Variants in RGS7 observed in about 807,000 individuals in gnomAD.
RGS7 encodes the protein regulator of G-protein signaling 7.
A neutral mutation model predicts 81.1 loss-of-function variants in RGS7; 27 were observed. The observed-to-expected ratio is 0.33, with a 90% CI of 0.25 to 0.46. The LOEUF (loss-of-function observed/expected upper bound fraction) is 0.46. RGS7 is among the 20% of genes least tolerant of loss of function. The pLI, the probability that RGS7 is intolerant of heterozygous loss-of-function variation, is 1.00. For synonymous variants in RGS7, 208 were observed against 207.7 expected, an observed-to-expected ratio of 1.00 and a Z score of -0.01; for missense variants, 396 against 607.4, an observed-to-expected ratio of 0.65 and a Z score of 3.66.
chr1:240,834,372 C>T (rs758535741), intron 9 of RGS7, among the ~76,000 whole-genome samples: 8 of 152,200 alleles, frequency 5.3e-5, no homozygotes, highest in Non-Finnish European at 1.0e-4. Flanking sequence ...GAACTCCACA[C>T]ATCCAAGAGG....
chr1:240,848,396 G>T (rs1488604477), intron 9 of RGS7, among the ~76,000 whole-genome samples: 1 of 152,026 alleles, frequency 6.6e-6, no homozygotes, highest in Non-Finnish European at 1.5e-5. Flanking sequence ...TTACTGTTGA[G>T]TCTGATAAAT....
At chr1:240,884,832 A>C (rs1303165415) in intron 6 of RGS7, among the ~76,000 whole-genome samples, 1 of 152,250 alleles carries the variant, frequency 6.6e-6, no homozygotes, top group Non-Finnish European at 1.5e-5. Flanking sequence ...ACCATCCTGG[A>C]CACAGGAACG....
rs1558259636 is a variant in RGS7 at position 240,793,613 on chromosome 1, T to TATATATATATATA, written c.*6+7027_*6+7028insTATATATATATAT. Among the ~76,000 whole-genome samples, 7 of 88,358 alleles carry TATATATATATATA rather than the reference T, an allele frequency of 7.9e-5. No individual in the cohort carries two copies. The East Asian group carries it at 1.1e-3, about 14-fold the overall frequency. The allele number at this position is 88,358 out of a possible 152,430, so 58.0% of individuals were successfully genotyped here. A position where few individuals can be genotyped will look rare whatever the true frequency, so the allele number is the denominator to read the frequency against. ...TATATATATATATATATATATATATTTTTTTTTTTTTTTTGAGACAGAGTC... is the reference window on the plus strand; with the variant it reads ...TATATATATATATATATATATATATTATATATATATATATTTTTTTTTTTTTTGAGACAGAGTC... On this transcript the variant is annotated intron_variant, in intron 18 of 18. Coordinates refer to ENST00000440928, the MANE Select transcript of RGS7 (RefSeq NM_001364886.1).
intron 4 of RGS7, among the ~76,000 whole-genome samples, chr1:240,947,858 C>G (rs1458510870): frequency 6.6e-6 from 1 of 152,236 alleles, no homozygotes; most frequent in African/African-American, 2.4e-5. Context: ...AGTTACTTCT[C>G]TGTCTTCCTT....
chr1:241,197,975 A>T (rs2073209161), intron 2 of RGS7, among the ~76,000 whole-genome samples: 1 of 151,908 alleles, frequency 6.6e-6, no homozygotes, highest in Non-Finnish European at 1.5e-5. Context: ...CTACCTACCT[A>T]CCTACCTACC....
chr1:240,831,183 C>T (rs555247249), intron 9 of RGS7, among the ~76,000 whole-genome samples: 2 of 152,022 alleles, frequency 1.3e-5, no homozygotes, highest in Admixed American at 6.6e-5. Context: ...ATGCTTGTCT[C>T]GGAGGCCCTG....
chr1:240,912,150 C>CAAAAAA (rs374318547), intron 6 of RGS7, among the ~76,000 whole-genome samples: 13 of 55,804 alleles, frequency 2.3e-4, no homozygotes, highest in Admixed American at 6.9e-4. Context: ...GATTCTGTCT[C>CAAAAAA]AAAAAAAAAA....
chr1:241,218,373 G>A (rs1310087923), intron 2 of RGS7, among the ~76,000 whole-genome samples: 1 of 152,210 alleles, frequency 6.6e-6, no homozygotes. Flanking sequence ...CATCCATTGG[G>A]AAGGTGAGTG....
rs60947546 is a variant in RGS7, at chr1:241,005,547, A to T, written c.176-22418T>A. Among the ~76,000 whole-genome samples, 1,218 of 151,982 alleles carry T rather than the reference A, an allele frequency of 8.0e-3. 12 individuals are homozygous for T. The highest frequency in any genetic ancestry group is 0.028 in the African/African-American group (1,141 of 41,448). On this transcript the variant is annotated intron_variant, in intron 3 of 18. Coordinates refer to ENST00000440928, the MANE Select transcript of RGS7 (RefSeq NM_001364886.1). ...TCTGGCTTCTTTTTATTTACTTTTTATTTTTTGAAATGGAGTCTCACACTG... is the reference window on the plus strand; with the variant it reads ...TCTGGCTTCTTTTTATTTACTTTTTTTTTTTTGAAATGGAGTCTCACACTG...
chr1:240,821,040 A>G (rs973811794), intron 10 of RGS7, among the ~76,000 whole-genome samples: 1 of 152,164 alleles, frequency 6.6e-6, no homozygotes, highest in Non-Finnish European at 1.5e-5. Flanking sequence ...AAGTCAGTAC[A>G]CAGAAAGAAG....
At chr1:241,306,280 C>T (rs1435298997) in intron 2 of RGS7, among the ~76,000 whole-genome samples, 2 of 151,306 alleles carry the variant, frequency 1.3e-5, no homozygotes, top group East Asian at 3.9e-4. Flanking sequence ...TACACACACA[C>T]CCTTACACAC....
At chr1:240,793,611 A>ATATATATATATTTTTTTTTTT in intron 18 of RGS7, among the ~76,000 whole-genome samples, 2 of 78,812 alleles carry the variant, frequency 2.5e-5, no homozygotes, top group African/African-American at 1.9e-4. Flanking sequence ...ATATATATAT[A>ATATATATATATTTTTTTTTTT]TTTTTTTTTT....
At chr1:241,312,435 C>T (rs2080598304) in intron 2 of RGS7, among the ~76,000 whole-genome samples, 1 of 152,192 alleles carries the variant, frequency 6.6e-6, no homozygotes, top group African/African-American at 2.4e-5. Context: ...ACAACAGGTG[C>T]TCACTCTGTG....
chr1:241,109,244 T>C (rs1341905042), intron 2 of RGS7, among the ~76,000 whole-genome samples: 3 of 152,156 alleles, frequency 2.0e-5, no homozygotes, highest in Non-Finnish European at 4.4e-5. Flanking sequence ...CACTTCCTCA[T>C]GCCAGCTGCG....
intron 5 of RGS7, among the ~76,000 whole-genome samples, chr1:240,934,876 C>CTTTTTTT (rs555195177): frequency 0.011 from 763 of 67,130 alleles, 198 homozygotes; most frequent in African/African-American, 0.018. Flanking sequence ...CTTCACATGG[C>CTTTTTTT]TTTTTTTTTT....
intron 18 of RGS7, among the ~76,000 whole-genome samples, chr1:240,790,453 G>A (rs1307134033): frequency 6.6e-5 from 10 of 152,138 alleles, no homozygotes; most frequent in Non-Finnish European, 1.5e-4. Flanking sequence ...AAGCCACTGT[G>A]CCCAGCCAAT....
chr1:241,143,444 G>C (rs1197332434), intron 2 of RGS7, among the ~76,000 whole-genome samples: 2 of 152,182 alleles, frequency 1.3e-5, no homozygotes, highest in Admixed American at 1.3e-4. Flanking sequence ...GCAAGGAGGA[G>C]CAAGTCATGT....
At chr1:241,013,103 C>T (rs61832482) in intron 3 of RGS7, among the ~76,000 whole-genome samples, 4,878 of 142,138 alleles carry the variant, frequency 0.034, 151 homozygotes, top group East Asian at 0.14. Context: ...CACTCTGTTG[C>T]CCAGGCTGGA....
chr1:240,903,117 C>T (rs1670274128), intron 6 of RGS7, among the ~76,000 whole-genome samples: 1 of 152,242 alleles, frequency 6.6e-6, no homozygotes, highest in African/African-American at 2.4e-5. Context: ...GACCATGCTG[C>T]ACAGAATTAT....
Sources: gnomAD v4.1 joint callset for allele counts (sites outside exome capture counted in the v4.1 genomes callset) on GRCh38, gnomAD v4.1.1 for gene constraint, MANE v1.5 for transcripts, NCBI Gene and HGNC (gene_info 2026-07-23, HGNC 2026-07-21) for gene names.